The following ATP2B2 variants were observed in gnomAD, a reference collection of about 807,000 sequenced individuals.
ATP2B2 encodes plasma membrane calcium-transporting ATPase 2.
ATP2B2 carries 15 observed loss-of-function variants against 120.0 expected under a neutral mutation model. The ratio of observed to expected loss-of-function variants is 0.12; its 90% CI spans 0.08 to 0.19. The LOEUF (loss-of-function observed/expected upper bound fraction) is 0.19. Ranked by LOEUF, ATP2B2 falls within the 10% of genes least tolerant of loss-of-function variation. The pLI is 1.00. For missense variants in ATP2B2, 1,045 were observed against 1,719.8 expected (o/e 0.61, Z 6.94); for synonymous variants, 694 against 700.3 (o/e 0.99, Z 0.14).
intron 17 of ATP2B2, 122 bp downstream of exon 17, chr3:10,345,909 C>A (rs2060417774): frequency 2.0e-6 from 2 of 1,002,592 alleles, no homozygotes; most frequent in South Asian, 1.5e-5. Flanking sequence ...GAAGGGTGGG[C>A]ACCCACGGCA....
upstream of ATP2B2, chr3:10,505,736 G>C (rs2066602708): frequency 7.1e-6 from 1 of 140,754 alleles, no homozygotes; most frequent in South Asian, 2.5e-4. Flanking sequence ...GGAGGAGGGA[G>C]GGAGGGAGGG....
chr3:10,471,364 C>CTGAGTGTGTG (rs1221371075), intron 1 of ATP2B2, among the ~76,000 whole-genome samples: 2,409 of 150,416 alleles, frequency 0.016, 27 homozygotes, highest in Non-Finnish European at 0.023. Flanking sequence ...TTCAGGAAAC[C>CTGAGTGTGTG]TGTGTGTGTG....
rs373885734 is a variant in ATP2B2 at position 10,375,926 on chromosome 3, G to A, written c.1202-282C>T. On this transcript the variant is annotated intron_variant, in intron 10 of 22. Transcript: ENST00000360273. The surrounding 1 kb of genome is among the most constrained non-coding windows in gnomAD (Gnocchi z 4.2). The stretch of plus-strand genomic sequence containing the variant: ...ATGCAAAGTGCCCAGCATAGTGCTC[G>A]GCAATAGTATGTGCTCGACACATAG... Among the ~76,000 whole-genome samples, 6 of 152,196 alleles carry A rather than the reference G, an allele frequency of 3.9e-5. No homozygotes were observed. The highest frequency in any genetic ancestry group is 7.4e-5 in the Non-Finnish European group (5 of 68,022).
rs1032137453 is a variant in ATP2B2, at chr3:10,328,147, A to G, written c.*667T>C. On this transcript the variant is annotated 3_prime_UTR_variant, in exon 23 of 23. Coordinates refer to ENST00000360273, the MANE Select transcript of ATP2B2 (RefSeq NM_001001331.4). ...TATATATATATATATATATCTACCT[A>G]TCTATATGGACGTATACAGTCTCGG... 6.6e-6 allele frequency: 1 copy of G among 150,588 alleles called. No homozygotes were observed. The highest frequency in any genetic ancestry group is 6.7e-5 in the Admixed American group (1 of 15,018). 9.3% of individuals were successfully genotyped at this position (150,588 alleles called of 1,614,324 possible). A position where few individuals can be genotyped will look rare whatever the true frequency, so the allele number is the denominator to read the frequency against.
At chr3:10,341,814 T>A (rs552294255) in intron 19 of ATP2B2, among the ~76,000 whole-genome samples, 36 of 152,346 alleles carry the variant, frequency 2.4e-4, no homozygotes, top group Middle Eastern at 6.8e-3. Flanking sequence ...ATAAGTGGCT[T>A]CCTCTAAGCT....
At chr3:10,374,602 C>T (rs371207275) in intron 11 of ATP2B2, among the ~76,000 whole-genome samples, 2 of 152,170 alleles carry the variant, frequency 1.3e-5, no homozygotes, top group Non-Finnish European at 2.9e-5. Context: ...CCCGGCCCTT[C>T]GAGGTGGAGA....
At chr3:10,549,931 A>T (rs2067633065) in intron 2 of ATP2B2, among the ~76,000 whole-genome samples, 1 of 152,236 alleles carries the variant, frequency 6.6e-6, no homozygotes, top group African/African-American at 2.4e-5. Context: ...AACTCAGGGG[A>T]GCCACATGGC....
intron 1 of ATP2B2, among the ~76,000 whole-genome samples, chr3:10,479,897 C>A (rs1347356576): frequency 6.6e-6 from 1 of 152,110 alleles, no homozygotes; most frequent in East Asian, 1.9e-4. Flanking sequence ...TTGAGACCAG[C>A]CTGGGCAACA....
rs2059902458 is a variant in ATP2B2, at chr3:10,328,624, A to G, written c.*190T>C. On this transcript the variant is annotated 3_prime_UTR_variant, in exon 23 of 23. Transcript: ENST00000360273. The stretch of plus-strand genomic sequence containing the variant: ...TCCCGCCCCTTGCCTTGAAGTGAAA[A>G]AGAGTTCAAACAGCATCGCAGCCAG... 3 of 647,792 alleles carry G rather than the reference A, an allele frequency of 4.6e-6. No individual in the cohort carries two copies. Among genetic ancestry groups the G allele is most frequent in the South Asian group, 2.1e-5 (1 of 48,556 alleles). The allele number at this position is 647,792 out of a possible 1,614,324, so 40.1% of individuals were successfully genotyped here.
chr3:10,564,179 T>C (rs904759485), intron 2 of ATP2B2, among the ~76,000 whole-genome samples: 3 of 152,218 alleles, frequency 2.0e-5, no homozygotes, highest in Non-Finnish European at 2.9e-5. Context: ...AAAAGACTCA[T>C]ATAACCAATC....
chr3:10,435,215 C>G (rs557769588), intron 2 of ATP2B2, among the ~76,000 whole-genome samples: 1 of 152,302 alleles, frequency 6.6e-6, no homozygotes, highest in East Asian at 1.9e-4. Context: ...ACCCCCCAAC[C>G]GGACCATTAC....
intron 2 of ATP2B2, among the ~76,000 whole-genome samples, chr3:10,546,439 T>C (rs2067549185): frequency 6.6e-6 from 1 of 152,170 alleles, no homozygotes; most frequent in Admixed American, 6.5e-5. Context: ...TGTCCAGGGT[T>C]ACCTACTCAG....
At chr3:10,562,825 C>T (rs2067932740) in intron 2 of ATP2B2, among the ~76,000 whole-genome samples, 1 of 152,082 alleles carries the variant, frequency 6.6e-6, no homozygotes, top group Admixed American at 6.5e-5. Context: ...TATGGAATAC[C>T]CATCCTTATA....
At chr3:10,700,331 G>A (rs866057035) in intron 1 of ATP2B2, among the ~76,000 whole-genome samples, 16 of 152,044 alleles carry the variant, frequency 1.1e-4, no homozygotes, top group African/African-American at 3.4e-4. Flanking sequence ...TCCCCCACAC[G>A]CTTGTCTCCA....
At chr3:10,432,137 G>A (rs536658447) in intron 2 of ATP2B2, among the ~76,000 whole-genome samples, 1 of 152,380 alleles carries the variant, frequency 6.6e-6, no homozygotes, top group South Asian at 2.1e-4. Flanking sequence ...GGCAGGCGCT[G>A]GTTTGGATCT....
chr3:10,501,009 C>T (rs76448299), intron 1 of ATP2B2, among the ~76,000 whole-genome samples: 3,312 of 152,282 alleles, frequency 0.022, 52 homozygotes, highest in East Asian at 0.085. Flanking sequence ...TCCAAGGTCA[C>T]TCGCCAGTGA....
chr3:10,648,929 A>G (rs2125662176), intron 1 of ATP2B2, among the ~76,000 whole-genome samples: 1 of 152,174 alleles, frequency 6.6e-6, no homozygotes, highest in East Asian at 1.9e-4. Context: ...CATCTTTCCA[A>G]TTCATTTTCC....
At chr3:10,568,582 C>T (rs1248674423) in intron 2 of ATP2B2, among the ~76,000 whole-genome samples, 1 of 152,184 alleles carries the variant, frequency 6.6e-6, no homozygotes, top group East Asian at 1.9e-4. Context: ...AGTCTACTAC[C>T]AGCTATTTAT....
intron 1 of ATP2B2, among the ~76,000 whole-genome samples, chr3:10,456,596 T>C (rs2125216338): frequency 6.6e-6 from 1 of 152,340 alleles, no homozygotes; most frequent in South Asian, 2.1e-4. Flanking sequence ...AAAATTTAAC[T>C]TACTCCCTGC....
Sources: allele counts gnomAD v4.1 joint callset (sites outside exome capture counted in the v4.1 genomes callset), GRCh38; gene constraint gnomAD v4.1.1; non-coding constraint Gnocchi (gnomAD v3.1); transcripts MANE v1.5; gene names NCBI Gene and HGNC (gene_info 2026-07-23, HGNC 2026-07-21).